The following EIF2S2 variants were observed in gnomAD, a reference collection of about 807,000 sequenced individuals.
The protein encoded by EIF2S2 is eukaryotic translation initiation factor 2 subunit beta.
Under a neutral mutation model 44.0 loss-of-function variants are expected in EIF2S2, and 4 were observed. The ratio of observed to expected loss-of-function variants is 0.09; its 90% CI spans 0.04 to 0.21. The LOEUF is 0.21. Ranked by LOEUF, EIF2S2 falls within the 10% of genes least tolerant of loss-of-function variation. The pLI is 1.00. For missense variants in EIF2S2, 154 were observed against 392.0 expected (o/e 0.39, Z 5.13); for synonymous variants, 108 against 128.3 (o/e 0.84, Z 1.07).
At chr20:34,109,219 A>G (rs558611481) in intron 1 of EIF2S2, among the ~76,000 whole-genome samples, 1 of 152,160 alleles carries the variant, frequency 6.6e-6, no homozygotes, top group Admixed American at 6.6e-5. Context: ...ACACCTTACC[A>G]TATTTTATGA....
chr20:34,104,557 G>C (rs1254843910), intron 2 of EIF2S2, among the ~76,000 whole-genome samples: 1 of 152,100 alleles, frequency 6.6e-6, no homozygotes, highest in East Asian at 1.9e-4. Flanking sequence ...TCATCAAAAG[G>C]CCTAACAAAT....
chr20:34,091,170 A>T (rs2034158028), intron 7 of EIF2S2, among the ~76,000 whole-genome samples: 1 of 152,194 alleles, frequency 6.6e-6, no homozygotes, highest in Non-Finnish European at 1.5e-5. Context: ...TCTAAAACAA[A>T]CTGATTCCTT....
At position 34,089,574 on chromosome 20, in the gene EIF2S2, A is replaced by T; in HGVS notation, c.*156T>A. On this transcript the variant is annotated 3_prime_UTR_variant, in exon 9 of 9. Coordinates refer to ENST00000374980, the MANE Select transcript of EIF2S2 (RefSeq NM_003908.5). ...AGGCAATGAGTATGTCAACAGCTTG[A>T]GCATCAGCGTCTTGCAAGGACTTCA... The T allele has an allele frequency of 1.5e-6, 1 of 671,156 alleles. No homozygotes were observed. 41.6% of individuals were successfully genotyped at this position (671,156 alleles called of 1,614,324 possible).
At chr20:34,097,619 C>A in intron 4 of EIF2S2, 103 bp from the exon 5 acceptor site, 1 of 828,290 alleles carries the variant, frequency 1.2e-6, no homozygotes. Context: ...TCTGTCTTCC[C>A]TTCCACAGCT....
At chr20:34,095,935 G>A (rs1224252377) in intron 6 of EIF2S2, among the ~76,000 whole-genome samples, 2 of 152,164 alleles carry the variant, frequency 1.3e-5, no homozygotes, top group African/African-American at 4.8e-5. Context: ...TCAGAGAAAA[G>A]CCATTCCCAG....
intron 7 of EIF2S2, among the ~76,000 whole-genome samples, chr20:34,092,679 C>CAA (rs999005255): frequency 7.2e-5 from 11 of 152,088 alleles, no homozygotes; most frequent in African/African-American, 2.6e-4. Flanking sequence ...AAAAACAAAA[C>CAA]AAAACAACAA....
chr20:34,096,851 G>A, intron 5 of EIF2S2, 46 bp from the exon 6 acceptor site: 1 of 1,558,750 alleles, frequency 6.4e-7, no homozygotes, highest in Non-Finnish European at 8.7e-7. Context: ...GTAACTGCAG[G>A]GGTATAAAGT....
intron 1 of EIF2S2, among the ~76,000 whole-genome samples, chr20:34,106,885 G>C (rs2034355611): frequency 6.6e-6 from 1 of 152,186 alleles, no homozygotes; most frequent in South Asian, 2.1e-4. Flanking sequence ...ACCTGATAGA[G>C]TAGAAAGCGC....
chr20:34,093,404 G>C (rs1016947759), intron 7 of EIF2S2, among the ~76,000 whole-genome samples: 3 of 152,208 alleles, frequency 2.0e-5, no homozygotes, highest in Non-Finnish European at 2.9e-5. Context: ...AGACTCAAGA[G>C]TTTCAGTTAG....
At chr20:34,108,525 C>G (rs1387999162) in intron 1 of EIF2S2, among the ~76,000 whole-genome samples, 1 of 152,118 alleles carries the variant, frequency 6.6e-6, no homozygotes, top group African/African-American at 2.4e-5. Context: ...AAATTATAAG[C>G]TGACTACACT....
At chr20:34,098,670 G>C (rs2034260896) in intron 3 of EIF2S2, 37 bp from the exon 4 acceptor site, 1 of 1,589,118 alleles carries the variant, frequency 6.3e-7, no homozygotes, top group Admixed American at 1.8e-5. Context: ...TTTGATACTG[G>C]GACTATTCTT....
chr20:34,091,936 T>C (rs947339395), intron 7 of EIF2S2, among the ~76,000 whole-genome samples: 4 of 151,974 alleles, frequency 2.6e-5, no homozygotes, highest in Admixed American at 1.3e-4. Context: ...AAAAAAAGGA[T>C]AGTTGAATCA....
chr20:34,095,404 C>T (rs1374549007), intron 6 of EIF2S2, among the ~76,000 whole-genome samples: 1 of 151,514 alleles, frequency 6.6e-6, no homozygotes, highest in African/African-American at 2.4e-5. Flanking sequence ...CCTCTGCCTC[C>T]CAGGTTCAAG....
chr20:34,107,899 T>C (rs1026571163), intron 1 of EIF2S2, among the ~76,000 whole-genome samples: 2 of 152,170 alleles, frequency 1.3e-5, no homozygotes, highest in African/African-American at 4.8e-5. Context: ...CTGAAGAACA[T>C]TATCTGGCCA....
At chr20:34,098,698 C>A in intron 3 of EIF2S2, 65 bp from the exon 4 acceptor site, 4 of 1,545,258 alleles carry the variant, frequency 2.6e-6, no homozygotes, top group Non-Finnish European at 3.5e-6. Flanking sequence ...TATTTTATTA[C>A]ATTTTCTGTT....
chr20:34,093,558 A>G (rs994777733), intron 7 of EIF2S2, 117 bp downstream of exon 7: 29 of 926,858 alleles, frequency 3.1e-5, no homozygotes, highest in Non-Finnish European at 3.1e-6. Context: ...CCACTGGCCT[A>G]AAAGTTTCTC....
intron 7 of EIF2S2, among the ~76,000 whole-genome samples, chr20:34,092,130 A>C (rs1240902589): frequency 2.6e-5 from 4 of 152,192 alleles, no homozygotes; most frequent in Admixed American, 2.6e-4. Flanking sequence ...GTAACCCTTA[A>C]TCTCCAGGCT....
At chr20:34,090,727 T>G (rs2034152656) in intron 7 of EIF2S2, 125 bp from the exon 8 acceptor site, 2 of 516,868 alleles carry the variant, frequency 3.9e-6, no homozygotes, top group Non-Finnish European at 6.7e-6. Flanking sequence ...CTAGGACTGG[T>G]GCTATACTAC....
chr20:34,103,195 C>T (rs2034312892), intron 3 of EIF2S2, among the ~76,000 whole-genome samples: 1 of 152,206 alleles, frequency 6.6e-6, no homozygotes, highest in Non-Finnish European at 1.5e-5. Flanking sequence ...AGCCAAAAAT[C>T]TCAGTATAGT....
Sources: allele counts gnomAD v4.1 joint callset (sites outside exome capture counted in the v4.1 genomes callset), GRCh38; gene constraint gnomAD v4.1.1; transcripts MANE v1.5; gene names NCBI Gene and HGNC (gene_info 2026-07-23, HGNC 2026-07-21).